NDUFS4: variants seen among roughly 807,000 people sequenced by gnomAD.
The protein encoded by NDUFS4 is NADH:ubiquinone oxidoreductase subunit S4, also known as NADH dehydrogenase [ubiquinone] iron-sulfur protein 4, mitochondrial.
In NDUFS4, 28 loss-of-function variants were observed where a neutral mutation model predicts 24.3. The observed-to-expected ratio is 1.15, with a 90% CI of 0.85 to 1.58. NDUFS4 has a LOEUF of 1.58. Ranked by LOEUF, NDUFS4 falls within the 40% of genes most tolerant of loss-of-function variation. NDUFS4 has a pLI of 0.00. For missense variants in NDUFS4, 223 were observed against 207.9 expected (o/e 1.07, Z -0.45); for synonymous variants, 93 against 69.7 (o/e 1.34, Z -1.67).
At chr5:53,604,730 C>T (rs1223052933) in intron 2 of NDUFS4, 1 of 456,198 alleles carries the variant, frequency 2.2e-6, no homozygotes, top group Non-Finnish European at 4.4e-6. Flanking sequence ...CTAGGTTTAT[C>T]TTGTACCACT....
At chr5:53,635,187 T>TTAAATAAATAAATAAATAAATAAA (rs59403372) in intron 2 of NDUFS4, among the ~76,000 whole-genome samples, 7 of 149,550 alleles carry the variant, frequency 4.7e-5, no homozygotes, top group African/African-American at 1.7e-4. Flanking sequence ...AAAAACTCTG[T>TTAAATAAATAAATAAATAAATAAA]TAAATAAATA....
At chr5:53,588,423 G>A (rs1036559887) in intron 1 of NDUFS4, among the ~76,000 whole-genome samples, 1 of 152,002 alleles carries the variant, frequency 6.6e-6, no homozygotes, top group African/African-American at 2.4e-5. Flanking sequence ...AATTATTTGC[G>A]GTATTATTAT....
intron 1 of NDUFS4, among the ~76,000 whole-genome samples, chr5:53,565,992 T>G (rs1749011908): frequency 1.3e-5 from 2 of 151,528 alleles, no homozygotes; most frequent in Non-Finnish European, 2.9e-5. Flanking sequence ...GCCAACATGG[T>G]GAAACCCCGT....
intron 1 of NDUFS4, among the ~76,000 whole-genome samples, chr5:53,589,252 C>T (rs140141603): frequency 6.6e-6 from 1 of 152,316 alleles, no homozygotes; most frequent in African/African-American, 2.4e-5. Context: ...ATGGTAGTCC[C>T]TAGAGAAGCA....
At chr5:53,583,408 A>C (rs371558859) in intron 1 of NDUFS4, among the ~76,000 whole-genome samples, 2 of 152,194 alleles carry the variant, frequency 1.3e-5, no homozygotes, top group Admixed American at 6.5e-5. Context: ...TTAGAACTCT[A>C]AAGTTGTTCA....
chr5:53,665,010 T>C (rs1416405302), intron 4 of NDUFS4, among the ~76,000 whole-genome samples: 9 of 152,226 alleles, frequency 5.9e-5, no homozygotes, highest in Non-Finnish European at 1.3e-4. Flanking sequence ...GGTTTTGGTG[T>C]GGATGTCCTT....
intron 1 of NDUFS4, among the ~76,000 whole-genome samples, chr5:53,591,461 T>TGGGGGGGGGGGGGG (rs374748766): frequency 1.2e-5 from 1 of 81,190 alleles, no homozygotes. Context: ...TTGTTTTTTT[T>TGGGGGGGGGGGGGG]GGGGGGGGGG....
At chr5:53,620,039 C>T (rs894796708) in intron 2 of NDUFS4, among the ~76,000 whole-genome samples, 5 of 151,744 alleles carry the variant, frequency 3.3e-5, no homozygotes, top group South Asian at 2.1e-4. Context: ...TTAGGCCAGG[C>T]GCAGTGGCAA....
intron 2 of NDUFS4, among the ~76,000 whole-genome samples, chr5:53,609,031 AAG>A (rs1312884738): frequency 2.9e-4 from 44 of 152,158 alleles, no homozygotes; most frequent in African/African-American, 1.0e-3. Context: ...AGGAAGAGGA[AAG>A]AGAGGGGACT....
chr5:53,611,594 A>T (rs1750700822), intron 2 of NDUFS4, among the ~76,000 whole-genome samples: 1 of 152,068 alleles, frequency 6.6e-6, no homozygotes, highest in African/African-American at 2.4e-5. Context: ...TTAAAAAAAA[A>T]AACTTTTTGT....
chr5:53,567,348 T>C (rs1749061631), intron 1 of NDUFS4, among the ~76,000 whole-genome samples: 1 of 152,208 alleles, frequency 6.6e-6, no homozygotes, highest in African/African-American at 2.4e-5. Context: ...TCTTCTTTAT[T>C]TGAGAGACCA....
At chr5:53,633,029 A>T (rs1455490034) in intron 2 of NDUFS4, among the ~76,000 whole-genome samples, 1 of 152,184 alleles carries the variant, frequency 6.6e-6, no homozygotes, top group Non-Finnish European at 1.5e-5. Context: ...GTATATTGCC[A>T]GACTTCAGCT....
intron 2 of NDUFS4, among the ~76,000 whole-genome samples, chr5:53,637,230 A>G (rs435187): frequency 0.78 from 119,192 of 152,096 alleles, 46,849 homozygotes; most frequent in African/African-American, 0.83. Flanking sequence ...TGAGGTTCCT[A>G]GGCCTTCCAA....
In NDUFS4 at chr5:53,641,401, A is replaced by G. The variant is rs1242818347; in HGVS notation, c.178-4832A>G. Reference sequence around the variant, plus strand: ...ATTAGTAGCATCATTTGCATGAACTATTTCTATCATATTATCCACAGCAGT... The same window carrying G: ...ATTAGTAGCATCATTTGCATGAACTGTTTCTATCATATTATCCACAGCAGT... On this transcript the variant is annotated intron_variant, in intron 2 of 4. Transcript: ENST00000296684. Among the ~76,000 whole-genome samples, 3 of 152,112 alleles carry G rather than the reference A, an allele frequency of 2.0e-5. No homozygotes were observed. The East Asian group carries it at 5.8e-4, about 29-fold the overall frequency.
At chr5:53,655,647 T>C (rs1561389375) in intron 3 of NDUFS4, among the ~76,000 whole-genome samples, 1 of 152,210 alleles carries the variant, frequency 6.6e-6, no homozygotes, top group African/African-American at 2.4e-5. Context: ...AACAATAATC[T>C]ATTAATTATC....
At chr5:53,655,056 T>G (rs1752124807) in intron 3 of NDUFS4, among the ~76,000 whole-genome samples, 1 of 152,212 alleles carries the variant, frequency 6.6e-6, no homozygotes, top group Non-Finnish European at 1.5e-5. Context: ...GTAAAGTATA[T>G]GAAAATGATA....
At chr5:53,599,018 A>T (rs256086) in intron 1 of NDUFS4, among the ~76,000 whole-genome samples, 31,060 of 152,084 alleles carry the variant, frequency 0.2, 3,697 homozygotes, top group East Asian at 0.46. Flanking sequence ...CATGAGGCAA[A>T]GAATGTTTTT....
chr5:53,620,768 A>G (rs866506818), intron 2 of NDUFS4, among the ~76,000 whole-genome samples: 2 of 152,196 alleles, frequency 1.3e-5, no homozygotes, highest in African/African-American at 4.8e-5. Flanking sequence ...TTGGCGAACT[A>G]CATTATTACT....
At position 53,586,460 on chromosome 5, in the gene NDUFS4, G is replaced by A. The variant is rs566904117; in HGVS notation, c.99-16992G>A. 1.6e-4 allele frequency among the ~76,000 whole-genome samples: 24 copies of A among 152,220 alleles called. No individual in the cohort carries two copies. The South Asian group carries it at 5.0e-3, about 32-fold the overall frequency. ...ATTGCATTAGAACAGGCCATAGGTA[G>A]CAAACTTTACTGTAGTTGTTCAGGA... On this transcript the variant is annotated intron_variant, in intron 1 of 4. Transcript: ENST00000296684.
Sources: gnomAD v4.1 joint callset for allele counts (sites outside exome capture counted in the v4.1 genomes callset) on GRCh38, gnomAD v4.1.1 for gene constraint, MANE v1.5 for transcripts, NCBI Gene and HGNC (gene_info 2026-07-23, HGNC 2026-07-21) for gene names.